PRDM5: variants seen among roughly 807,000 people sequenced by gnomAD.
PRDM5 encodes the protein PR domain zinc finger protein 5.
PRDM5 carries 56 observed loss-of-function variants against 81.2 expected under a neutral mutation model. The observed-to-expected ratio is 0.69, with a 90% CI of 0.56 to 0.86. The LOEUF (loss-of-function observed/expected upper bound fraction) is 0.86. Ranked by LOEUF, PRDM5 falls within the 40% of genes least tolerant of loss-of-function variation. PRDM5 has a pLI of 0.00. For synonymous variants in PRDM5, 267 were observed against 256.4 expected (o/e 1.04, Z -0.39); for missense variants, 697 against 770.1 (o/e 0.91, Z 1.12).
At chr4:120,808,807 C>G (rs1023061430) in intron 8 of PRDM5, among the ~76,000 whole-genome samples, 1 of 152,302 alleles carries the variant, frequency 6.6e-6, no homozygotes, top group Admixed American at 6.5e-5. Context: ...GCTGCTGGCC[C>G]AGGTGCTAAG....
At chr4:120,874,428 A>G (rs1762142748) in intron 2 of PRDM5, among the ~76,000 whole-genome samples, 1 of 152,214 alleles carries the variant, frequency 6.6e-6, no homozygotes, top group African/African-American at 2.4e-5. Context: ...TTTAAGTCAA[A>G]TATGTGGAAT....
chr4:120,833,527 A>C (rs1561426970), intron 3 of PRDM5, among the ~76,000 whole-genome samples: 1 of 152,176 alleles, frequency 6.6e-6, no homozygotes, highest in Non-Finnish European at 1.5e-5. Flanking sequence ...AGAAAAAAAA[A>C]CATTAATATG....
At chr4:120,891,825 T>A (rs1266373553) in intron 2 of PRDM5, among the ~76,000 whole-genome samples, 1 of 152,156 alleles carries the variant, frequency 6.6e-6, no homozygotes, top group African/African-American at 2.4e-5. Context: ...ACACAGGGTT[T>A]CGTTATGTTG....
intron 2 of PRDM5, among the ~76,000 whole-genome samples, chr4:120,892,673 C>T (rs1186567559): frequency 6.6e-6 from 1 of 151,948 alleles, no homozygotes; most frequent in African/African-American, 2.4e-5. Context: ...GGGTGTGGCT[C>T]ATCTGGCTAT....
chr4:120,754,513 T>C (rs1161511154), intron 14 of PRDM5, 40 bp downstream of exon 14: 5 of 1,375,368 alleles, frequency 3.6e-6, no homozygotes, highest in African/African-American at 1.4e-5. Flanking sequence ...ATAAGTATGG[T>C]TTTCATGATC....
At chr4:120,856,849 G>C (rs1387748094) in intron 2 of PRDM5, among the ~76,000 whole-genome samples, 3 of 152,130 alleles carry the variant, frequency 2.0e-5, no homozygotes, top group Non-Finnish European at 4.4e-5. Flanking sequence ...TTATGTTACT[G>C]TCAAGACTTA....
chr4:120,725,061 G>A (rs1261785562), intron 14 of PRDM5, among the ~76,000 whole-genome samples: 3 of 152,140 alleles, frequency 2.0e-5, no homozygotes, highest in Non-Finnish European at 4.4e-5. Context: ...TTGCTCAAAA[G>A]TCATAAAATA....
At chr4:120,912,790 T>C (rs1176396877) in intron 1 of PRDM5, among the ~76,000 whole-genome samples, 12 of 152,176 alleles carry the variant, frequency 7.9e-5, no homozygotes, top group Admixed American at 7.9e-4. Flanking sequence ...ATAAAAAATA[T>C]ACATATAGAT....
At chr4:120,817,745 A>G (rs939006424) in intron 5 of PRDM5, among the ~76,000 whole-genome samples, 4 of 152,180 alleles carry the variant, frequency 2.6e-5, no homozygotes, top group Non-Finnish European at 5.9e-5. Flanking sequence ...ATCCTGTAAA[A>G]TATTTAAATA....
At chr4:120,771,357 C>T (rs1209818192) in intron 13 of PRDM5, among the ~76,000 whole-genome samples, 1 of 152,028 alleles carries the variant, frequency 6.6e-6, no homozygotes, top group Non-Finnish European at 1.5e-5. Flanking sequence ...TTGGAGGTTA[C>T]TATGATTTAA....
intron 1 of PRDM5, among the ~76,000 whole-genome samples, chr4:120,918,969 G>T (rs1408194388): frequency 6.6e-6 from 1 of 152,208 alleles, no homozygotes; most frequent in South Asian, 2.1e-4. Context: ...CAGCCCACAG[G>T]CTGGGAAGCA....
At chr4:120,750,047 C>T (rs1743742557) in intron 14 of PRDM5, among the ~76,000 whole-genome samples, 2 of 148,282 alleles carry the variant, frequency 1.3e-5, no homozygotes, top group Non-Finnish European at 3.0e-5. Context: ...CAGTAGTCAC[C>T]AGACACATGT....
At chr4:120,788,842 G>T (rs1750143067) in intron 10 of PRDM5, among the ~76,000 whole-genome samples, 1 of 152,192 alleles carries the variant, frequency 6.6e-6, no homozygotes, top group African/African-American at 2.4e-5. Context: ...ATCTGGGTTG[G>T]GATGGCAGAG....
intron 1 of PRDM5, among the ~76,000 whole-genome samples, chr4:120,910,877 T>A (rs909479984): frequency 2.0e-5 from 3 of 152,224 alleles, no homozygotes; most frequent in Non-Finnish European, 2.9e-5. Flanking sequence ...CTTCCTGATA[T>A]CATTGGTTTT....
chr4:120,843,170 C>T (rs1758228145), intron 3 of PRDM5, among the ~76,000 whole-genome samples: 2 of 151,810 alleles, frequency 1.3e-5, no homozygotes, highest in African/African-American at 2.4e-5. Flanking sequence ...ATCCTGTCTA[C>T]TAAAAATACA....
chr4:120,691,570 A>AT (rs1277615691), downstream of PRDM5, among the ~76,000 whole-genome samples: 3 of 152,252 alleles, frequency 2.0e-5, no homozygotes, highest in Non-Finnish European at 4.4e-5. Context: ...GCATCAAGTT[A>AT]TTTTTACTTA....
intron 2 of PRDM5, among the ~76,000 whole-genome samples, chr4:120,906,313 A>G (rs1437830866): frequency 6.6e-6 from 1 of 152,100 alleles, no homozygotes; most frequent in African/African-American, 2.4e-5. Flanking sequence ...CTGTCTTCCA[A>G]TTGCCTCCAT....
At chr4:120,815,727 G>C (rs938172644) in intron 7 of PRDM5, among the ~76,000 whole-genome samples, 1 of 152,156 alleles carries the variant, frequency 6.6e-6, no homozygotes, top group Non-Finnish European at 1.5e-5. Flanking sequence ...AGAACACACA[G>C]GGTTTCATAA....
intron 4 of PRDM5, among the ~76,000 whole-genome samples, 197 bp downstream of exon 4, chr4:120,820,974 A>G (rs1326555272): frequency 1.3e-5 from 2 of 152,238 alleles, no homozygotes. Context: ...GGGTACATCC[A>G]TCACCCACTC....
Sources: allele counts gnomAD v4.1 joint callset (sites outside exome capture counted in the v4.1 genomes callset), GRCh38; gene constraint gnomAD v4.1.1; transcripts MANE v1.5; gene names NCBI Gene and HGNC (gene_info 2026-07-23, HGNC 2026-07-21).